The following GVQW3 variants were observed in gnomAD, a reference collection of about 807,000 sequenced individuals.
GVQW3 encodes the protein GVQW motif containing 3.
GVQW3 carries 7 observed loss-of-function variants against 12.5 expected under a neutral mutation model. That is an observed-to-expected ratio of 0.56 (90% confidence interval 0.32 to 1.05). The LOEUF is 1.05. Among genes scored for constraint, GVQW3 ranks in the 50% least tolerant of loss-of-function variants. The pLI, the probability that GVQW3 is intolerant of heterozygous loss-of-function variation, is 0.04. For synonymous variants in GVQW3, 71 were observed against 67.2 expected (o/e 1.06, Z -0.28); for missense variants, 188 against 190.8 (o/e 0.99, Z 0.09).
chr11:76,401,039 A>ATT (rs138695486), intron 1 of GVQW3, among the ~76,000 whole-genome samples: 4 of 149,304 alleles, frequency 2.7e-5, no homozygotes, highest in African/African-American at 9.8e-5. Context: ...ATATATATAT[A>ATT]TATTTTTTCT....
chr11:76,381,570 T>G lies in GVQW3; in HGVS notation c.-259T>G. 2.5e-6 allele frequency: 1 copy of G among 405,762 alleles called. No individual in the cohort carries two copies. Among genetic ancestry groups the G allele is most frequent in the South Asian group, 4.3e-5 (1 of 23,078 alleles). The allele number at this position is 405,762 out of a possible 1,614,324, so 25.1% of individuals were successfully genotyped here. On this transcript the variant is annotated 5_prime_UTR_variant, in exon 1 of 2. Transcript: ENST00000529331. ...CTCTCGGCAGATGTGCGTGCACTGGTTTGATGCAGACGTGGTTGTAGGCGA... is the reference window on the plus strand; with the variant it reads ...CTCTCGGCAGATGTGCGTGCACTGGGTTGATGCAGACGTGGTTGTAGGCGA...
At chr11:76,409,889 G>C (rs1244216930), downstream of GVQW3, among the ~76,000 whole-genome samples, 3 of 152,132 alleles carry the variant, frequency 2.0e-5, no homozygotes, top group African/African-American at 7.2e-5. Flanking sequence ...CCCTGTGCTG[G>C]GTACTTTCCA....
chr11:76,412,785 C>G (rs949150), downstream of GVQW3: 140,915 of 152,312 alleles, frequency 0.93, 65,245 homozygotes, highest in African/African-American at 0.95. Context: ...GCCAGGGTAA[C>G]AGCTTGATCA....
downstream of GVQW3, chr11:76,411,668 C>G (rs2134573116): frequency 6.6e-6 from 1 of 152,280 alleles, no homozygotes; most frequent in Non-Finnish European, 1.5e-5. Context: ...CCCTTGTCAC[C>G]TCAGCAATTC....
rs950628114 is a variant in GVQW3 at position 76,389,440 on chromosome 11, G to C, written c.465+7147G>C. On this transcript the variant is annotated intron_variant, in intron 1 of 1. Transcript: ENST00000529331. ...AATTAACTGGCTGGGTGGACACAGA[G>C]GCTATATGATCTTGTGTTGGCAGCA... Among the ~76,000 whole-genome samples the C allele has an allele frequency of 2.0e-5, 3 of 151,710 alleles. No individual in the cohort carries two copies. The Admixed American group carries it at 2.0e-4, about 10-fold the overall frequency.
intron 1 of GVQW3, among the ~76,000 whole-genome samples, chr11:76,400,038 C>T (rs144989453): frequency 6.6e-5 from 10 of 151,328 alleles, no homozygotes; most frequent in African/African-American, 2.4e-4. Context: ...CACACACACA[C>T]ACACACACAC....
At chr11:76,400,383 G>A (rs1946977887) in intron 1 of GVQW3, among the ~76,000 whole-genome samples, 1 of 150,740 alleles carries the variant, frequency 6.6e-6, no homozygotes, top group African/African-American at 2.4e-5. Context: ...CAAAGTGCTG[G>A]GATTACAGGT....
At chr11:76,411,128 A>T (rs1947076648), downstream of GVQW3, 1 of 152,314 alleles carries the variant, frequency 6.6e-6, no homozygotes, top group African/African-American at 2.4e-5. Context: ...GGAGCTTTTG[A>T]TGAACTGGCT....
intron 1 of GVQW3, among the ~76,000 whole-genome samples, chr11:76,394,760 C>T (rs181873026): frequency 6.6e-6 from 1 of 152,154 alleles, no homozygotes; most frequent in African/African-American, 2.4e-5. Context: ...TTTTGCAGAA[C>T]CTTCAAACTG....
intron 1 of GVQW3, among the ~76,000 whole-genome samples, chr11:76,391,220 T>C (rs1365459335): frequency 1.3e-5 from 2 of 152,214 alleles, no homozygotes; most frequent in African/African-American, 4.8e-5. Context: ...TTAATCAAGG[T>C]GGTGCCTAAA....
intron 1 of GVQW3, among the ~76,000 whole-genome samples, chr11:76,396,341 T>G (rs1004762313): frequency 2.6e-5 from 4 of 152,038 alleles, no homozygotes; most frequent in Non-Finnish European, 5.9e-5. Flanking sequence ...TGAGACAGGG[T>G]CTCACTCCTG....
chr11:76,382,594 G>T, intron 1 of GVQW3: 1 of 559,272 alleles, frequency 1.8e-6, no homozygotes. Context: ...ACTCTTTGCT[G>T]GACTCTTGGA....
exon 2 of GVQW3, chr11:76,413,540 A>C (rs1947096044): frequency 6.6e-6 from 1 of 152,176 alleles, no homozygotes; most frequent in Non-Finnish European, 1.5e-5. Flanking sequence ...TATGATACTA[A>C]TGGGATCACA....
At position 76,406,737 on chromosome 11, in the gene GVQW3, G is replaced by A. The variant is rs4944107; in HGVS notation, c.*2979G>A. On this transcript the variant is annotated 3_prime_UTR_variant, in exon 2 of 2. Coordinates refer to ENST00000529331, the MANE Select transcript of GVQW3 (RefSeq NM_001347885.2). ...TAAATAAATATGCCGGGCCAGGCGT[G>A]GTGGCTCACGCCTGTAATCCCAGCA... 76,955 of 152,172 alleles carry A rather than the reference G, an allele frequency of 0.51. 20,665 individuals are homozygous for A. The highest frequency in any genetic ancestry group is 0.63 in the South Asian group (3,062 of 4,826). 9.4% of individuals were successfully genotyped at this position (152,172 alleles called of 1,614,324 possible). A position where few individuals can be genotyped will look rare whatever the true frequency, so the allele number is the denominator to read the frequency against.
intron 1 of GVQW3, among the ~76,000 whole-genome samples, chr11:76,388,899 T>C (rs1946863902): frequency 6.6e-6 from 1 of 152,188 alleles, no homozygotes; most frequent in Non-Finnish European, 1.5e-5. Flanking sequence ...ACACTGGCAA[T>C]GTTAGAAGTG....
Position 76,382,008 on chromosome 11 carries a change from TG to T in GVQW3, c.181del (p.Ala61ProfsTer28). 6.5e-7 allele frequency: 1 copy of T among 1,536,462 alleles called. No individual in the cohort carries two copies. Among genetic ancestry groups the T allele is most frequent in the Non-Finnish European group, 8.7e-7 (1 of 1,146,982 alleles). On this transcript the variant is annotated frameshift_variant, in exon 1 of 2. Coordinates refer to ENST00000529331, the MANE Select transcript of GVQW3 (RefSeq NM_001347885.2). LOFTEE classifies it high-confidence loss of function. ...KEGREDVRDDARSGRPVTHRT... is the reference protein window; with the variant it reads ...KEGREDVRDDXRSGRPVTHRT... ...AAGGACGGGAAGATGTTCGAGATGA[TG>T]CCCGAAGTGGGCGTCCAGTCACCCA... is the stretch of plus-strand genomic sequence containing the variant.
In GVQW3 at chr11:76,407,595, A is replaced by C. The variant is rs1947054089; in HGVS notation, c.*3837A>C. ...CCCTCTCAAAAAAAAAAAAAAAAAA[A>C]AAAAAAAAGAATTTAAGCCAGTTGA... On this transcript the variant is annotated 3_prime_UTR_variant, in exon 2 of 2. Transcript: ENST00000529331. 1 of 151,464 alleles carries C rather than the reference A, an allele frequency of 6.6e-6. No individual in the cohort carries two copies. Among genetic ancestry groups the C allele is most frequent in the Non-Finnish European group, 1.5e-5 (1 of 67,912 alleles). 9.4% of individuals were successfully genotyped at this position (151,464 alleles called of 1,614,324 possible).
At chr11:76,389,347 A>G (rs1033737891) in intron 1 of GVQW3, among the ~76,000 whole-genome samples, 2 of 152,166 alleles carry the variant, frequency 1.3e-5, no homozygotes, top group African/African-American at 2.4e-5. Flanking sequence ...TATTATCAGT[A>G]AAAATCAATA....
Position 76,381,975 on chromosome 11 carries a change from G to A in GVQW3, c.147G>A (p.Arg49=). ...CCAGAGTTTTTGACTGGCACAAAAG[G>A]TTTAAAGAAGGACGGGAAGATGTTC... The part of the protein sequence containing the change: ...SRARVFDWHK[R]FKEGREDVRD... The change falls in exon 1 of 2, where the codon AGG becomes AGA. Residue 49 remains arginine (R), a synonymous_variant. Transcript: ENST00000529331. 3 of 1,536,400 alleles carry A rather than the reference G, an allele frequency of 2.0e-6. No individual in the cohort carries two copies. The highest frequency in any genetic ancestry group is 2.6e-6 in the Non-Finnish European group (3 of 1,146,968).
Sources: gnomAD v4.1 joint callset for allele counts (sites outside exome capture counted in the v4.1 genomes callset) on GRCh38, gnomAD v4.1.1 for gene constraint, MANE v1.5 for transcripts, NCBI Gene and HGNC (gene_info 2026-07-23, HGNC 2026-07-21) for gene names.